Variants in PDIA5 observed in about 807,000 individuals in gnomAD.
The protein encoded by PDIA5 is protein disulfide-isomerase A5.
PDIA5 carries 58 observed loss-of-function variants against 77.6 expected under a neutral mutation model. The ratio of observed to expected loss-of-function variants is 0.75; its 90% CI spans 0.61 to 0.93. The LOEUF is 0.93. Among genes scored for constraint, PDIA5 ranks in the 40% least tolerant of loss-of-function variants. PDIA5 has a pLI of 0.00. For synonymous variants in PDIA5, 250 were observed against 252.1 expected (o/e 0.99, Z 0.08); for missense variants, 630 against 647.7 (o/e 0.97, Z 0.30).
At chr3:123,112,201 G>A (rs1273186377) in intron 7 of PDIA5, among the ~76,000 whole-genome samples, 3 of 152,142 alleles carry the variant, frequency 2.0e-5, no homozygotes, top group Non-Finnish European at 4.4e-5. Flanking sequence ...GAGCTGCATC[G>A]GCCCTTCACG....
chr3:123,150,355 T>C lies in PDIA5; in HGVS notation c.1264T>C (p.Tyr422His). The change falls in exon 14 of 17, where the codon TAC becomes CAC. Residue 422 changes from tyrosine to histidine, a missense_variant. Tyr to His is a moderately conservative substitution (Grantham distance 83). Coordinates refer to ENST00000316218, the MANE Select transcript of PDIA5 (RefSeq NM_006810.4). ...GAAGAAACACACCTTGGTCATGTTCTACGCCCCTTGTAAGTAGCTTGGGTG... is the reference window on the plus strand; with the variant it reads ...GAAGAAACACACCTTGGTCATGTTCCACGCCCCTTGTAAGTAGCTTGGGTG... ...KKKKHTLVMF[Y>H]APWCPHCKKV... 1 of 1,613,686 alleles carries C rather than the reference T, an allele frequency of 6.2e-7. No homozygotes were observed. Among genetic ancestry groups the C allele is most frequent in the Non-Finnish European group, 8.5e-7 (1 of 1,179,768 alleles).
At chr3:123,077,930 C>T (rs1244770844) in intron 1 of PDIA5, among the ~76,000 whole-genome samples, 1 of 151,940 alleles carries the variant, frequency 6.6e-6, no homozygotes, top group Admixed American at 6.5e-5. Context: ...CTGTCTCAGC[C>T]TCCCGAGTAG....
chr3:123,141,368 C>T lies in PDIA5; in HGVS notation c.911-4154C>T, dbSNP rs751143377. On this transcript the variant is annotated intron_variant, in intron 11 of 16. Coordinates refer to ENST00000316218, the MANE Select transcript of PDIA5 (RefSeq NM_006810.4). Reference sequence around the variant, plus strand: ...CCCAGGGCCTCATGCCTGCATTTCCCGAGGCCTCCCAGTGTGTCCTCCACT... The same window carrying T: ...CCCAGGGCCTCATGCCTGCATTTCCTGAGGCCTCCCAGTGTGTCCTCCACT... Among the ~76,000 whole-genome samples, 138 of 152,286 alleles carry T rather than the reference C, an allele frequency of 9.1e-4. 1 individual carries two copies. Among genetic ancestry groups the T allele is most frequent in the Non-Finnish European group, 8.8e-5 (6 of 67,998 alleles).
At chr3:123,154,855 G>A (rs1347865207) in intron 14 of PDIA5, 116 bp from the exon 15 acceptor site, 9 of 732,782 alleles carry the variant, frequency 1.2e-5, no homozygotes, top group Admixed American at 3.7e-5. Flanking sequence ...ACAGTGTGGC[G>A]GGCAGTGGGG....
At chr3:123,133,660 T>C (rs1272973113) in intron 11 of PDIA5, among the ~76,000 whole-genome samples, 2 of 152,222 alleles carry the variant, frequency 1.3e-5, no homozygotes, top group African/African-American at 2.4e-5. Flanking sequence ...TGTACTTGTT[T>C]TTAATCAGCA....
chr3:123,137,447 A>G (rs896863370), intron 11 of PDIA5, among the ~76,000 whole-genome samples: 1 of 152,160 alleles, frequency 6.6e-6, no homozygotes. Flanking sequence ...TCCATGTTCC[A>G]TTAGTCTATT....
intron 13 of PDIA5, among the ~76,000 whole-genome samples, chr3:123,146,481 C>T (rs1453197484): frequency 2.6e-5 from 4 of 152,248 alleles, no homozygotes; most frequent in South Asian, 2.1e-4. Context: ...GCTTCATCGA[C>T]GCACTAAACC....
chr3:123,139,735 C>T (rs1278884931), intron 11 of PDIA5, among the ~76,000 whole-genome samples: 3 of 152,142 alleles, frequency 2.0e-5, no homozygotes, highest in Non-Finnish European at 4.4e-5. Flanking sequence ...ATGACCCTTG[C>T]CCATAAAGAA....
chr3:123,124,142 C>T lies in PDIA5; in HGVS notation c.686C>T (p.Thr229Ile). Reference protein sequence around the residue: ...KEEYSVRGFPTICYFEKGRFL... With the variant: ...KEEYSVRGFPIICYFEKGRFL... ...GAGTACAGCGTGCGCGGCTTCCCCA[C>T]CATCTGCTATTTTGAGTACGTCCCC... Residue 229 changes from threonine (T) to isoleucine (I), a missense_variant, in exon 9 of 17, where the codon ACC becomes ATC. Transcript: ENST00000316218. 1 of 1,613,352 alleles carries T rather than the reference C, an allele frequency of 6.2e-7. No homozygotes were observed. Among genetic ancestry groups the T allele is most frequent in the Non-Finnish European group, 8.5e-7 (1 of 1,179,288 alleles).
chr3:123,079,301 T>C (rs1055640629), intron 1 of PDIA5, among the ~76,000 whole-genome samples: 3 of 150,672 alleles, frequency 2.0e-5, no homozygotes, highest in Non-Finnish European at 3.0e-5. Flanking sequence ...CTGCCTCAGC[T>C]TCCTGAGTAG....
chr3:123,080,438 C>T (rs1328362895), intron 1 of PDIA5, among the ~76,000 whole-genome samples: 1 of 152,168 alleles, frequency 6.6e-6, no homozygotes, highest in Non-Finnish European at 1.5e-5. Flanking sequence ...CTGTCTCCAG[C>T]AGTGGTCCTC....
intron 1 of PDIA5, among the ~76,000 whole-genome samples, chr3:123,075,667 G>C (rs1366960104): frequency 1.3e-5 from 2 of 152,082 alleles, no homozygotes; most frequent in Non-Finnish European, 2.9e-5. Flanking sequence ...TGAGTGGAGA[G>C]GGGAGTGATA....
Position 123,092,368 on chromosome 3 carries a change from A to G in PDIA5, c.183A>G (p.Glu61=), listed in dbSNP as rs1242047105. ...VLYSKSEVAA[E]NHLRLLSTVA... ...TTTTTTTTACAGAGGTGGCAGCTGA[A>G]AATCATCTCAGGTTACTGTCCACAG... Residue 61 remains glutamate (E), a synonymous_variant, in exon 3 of 17, where the codon GAA becomes GAG. Coordinates refer to ENST00000316218, the MANE Select transcript of PDIA5 (RefSeq NM_006810.4). 2.5e-6 allele frequency: 4 copies of G among 1,613,726 alleles called. No homozygotes were observed. Among genetic ancestry groups the G allele is most frequent in the Non-Finnish European group, 3.4e-6 (4 of 1,179,870 alleles).
intron 13 of PDIA5, 124 bp from the exon 14 acceptor site, chr3:123,150,110 G>T: frequency 1.4e-6 from 1 of 696,618 alleles, no homozygotes; most frequent in African/African-American, 1.8e-5. Flanking sequence ...TGAAATTTTA[G>T]AAGGATTGTA....
rs1298356543 is a variant in PDIA5, at chr3:123,150,133, T to C, written c.1143-101T>C. 13 of 788,860 alleles carry C rather than the reference T, an allele frequency of 1.6e-5. No homozygotes were observed. The Admixed American group carries it at 2.2e-4, about 14-fold the overall frequency. The allele number at this position is 788,860 out of a possible 1,614,324, so 48.9% of individuals were successfully genotyped here. ...TAGAAGGATTGTAGTGGTTTCTTCA[T>C]GCATGTTCCCCCGAGTGGTTGGGAC... On this transcript the variant is annotated intron_variant, in intron 13 of 16. Coordinates refer to ENST00000316218, the MANE Select transcript of PDIA5 (RefSeq NM_006810.4).
intron 7 of PDIA5, among the ~76,000 whole-genome samples, chr3:123,111,837 T>C (rs1934869552): frequency 6.6e-6 from 1 of 152,256 alleles, no homozygotes; most frequent in Non-Finnish European, 1.5e-5. Flanking sequence ...TGCCATCTGT[T>C]GTTTACCAGA....
rs371715552 is a variant in PDIA5 at position 123,144,276 on chromosome 3, T to C, written c.911-1246T>C. ...TTCCTAACAATCAGTAGTAGAATTA[T>C]AGCGTTCTCAGCTCCCACACAGTGG... On this transcript the variant is annotated intron_variant, in intron 11 of 16. Coordinates refer to ENST00000316218, the MANE Select transcript of PDIA5 (RefSeq NM_006810.4). Among the ~76,000 whole-genome samples the C allele has an allele frequency of 6.6e-5, 10 of 152,306 alleles. No individual in the cohort carries two copies. The East Asian group carries it at 1.4e-3, about 21-fold the overall frequency.
intron 3 of PDIA5, among the ~76,000 whole-genome samples, chr3:123,099,980 C>T (rs1399773166): frequency 2.6e-5 from 4 of 152,248 alleles, no homozygotes; most frequent in Admixed American, 2.0e-4. Context: ...AATGAGCAAG[C>T]CCTTCGCAGC....
At chr3:123,104,594 G>A (rs1010988766) in intron 5 of PDIA5, among the ~76,000 whole-genome samples, 3 of 152,252 alleles carry the variant, frequency 2.0e-5, no homozygotes, top group African/African-American at 7.2e-5. Context: ...CCAGTTAAGT[G>A]AGAACTTATC....
Sources: allele counts gnomAD v4.1 joint callset (sites outside exome capture counted in the v4.1 genomes callset), GRCh38; gene constraint gnomAD v4.1.1; transcripts MANE v1.5; gene names NCBI Gene and HGNC (gene_info 2026-07-23, HGNC 2026-07-21).